CLMN: variants seen among roughly 807,000 people sequenced by gnomAD.
The protein encoded by CLMN is calmin, also known as calmin (calponin-like, transmembrane).
CLMN carries 57 observed loss-of-function variants against 92.7 expected under a neutral mutation model. The ratio of observed to expected loss-of-function variants is 0.61; its 90% CI spans 0.50 to 0.77. The LOEUF is 0.77. Ranked by LOEUF, CLMN falls within the 30% of genes least tolerant of loss-of-function variation. The pLI, the probability that CLMN is intolerant of heterozygous loss-of-function variation, is 0.00. For synonymous variants in CLMN, 466 were observed against 470.6 expected, an observed-to-expected ratio of 0.99 and a Z score of 0.13; for missense variants, 1,158 against 1,237.5, an observed-to-expected ratio of 0.94 and a Z score of 0.96.
intron 1 of CLMN, 86 bp downstream of exon 1, chr14:95,319,625 G>T: frequency 9.1e-7 from 1 of 1,099,350 alleles, no homozygotes; most frequent in South Asian, 1.4e-5. Flanking sequence ...GAGCGGGGGC[G>T]GCGCGGGGGA....
rs540566941 is a variant in CLMN, at chr14:95,211,649, T to TAA, written c.609-772_609-771dup. On this transcript the variant is annotated intron_variant, in intron 6 of 12. Transcript: ENST00000298912. ...CTCAACCGTGGTCAATAAACGCTCT[T>TAA]AAAAAAAAAAAAAAAAACCAAAAAC... Among the ~76,000 whole-genome samples, 776 of 130,108 alleles carry TAA rather than the reference T, an allele frequency of 6.0e-3. 4 individuals are homozygous for TAA. The highest frequency in any genetic ancestry group is 0.015 in the Middle Eastern group (4 of 262). The allele number at this position is 130,108 out of a possible 152,430, so 85.4% of individuals were successfully genotyped here.
Position 95,294,019 on chromosome 14 carries a change from A to AGAGGAG in CLMN, c.82+25686_82+25691dup, listed in dbSNP as rs113654953. On this transcript the variant is annotated intron_variant, in intron 1 of 12. Coordinates refer to ENST00000298912, the MANE Select transcript of CLMN (RefSeq NM_024734.4). This position sits in a 1 kb window ranked among gnomAD's most constrained non-coding sequence, Gnocchi z 4.2. ...CTGCCTGGCTGGAGGGTGACACCAA[A>AGAGGAG]GAGGAGGAGGAGGAGGAGGAGGCCA... Among the ~76,000 whole-genome samples the AGAGGAG allele has an allele frequency of 2.0e-5, 3 of 151,450 alleles. No individual in the cohort carries two copies. Among genetic ancestry groups the AGAGGAG allele is most frequent in the Admixed American group, 1.3e-4 (2 of 15,234 alleles).
At chr14:95,197,270 G>GAGGAGGAGGAAGAAGGAGA (rs1360120473) in intron 9 of CLMN, among the ~76,000 whole-genome samples, 2 of 150,648 alleles carry the variant, frequency 1.3e-5, no homozygotes, top group East Asian at 2.0e-4. Context: ...AAGAAGAAAA[G>GAGGAGGAGGAAGAAGGAGA]AGGAGGAGGA....
At chr14:95,220,164 G>C (rs1317216688) in intron 4 of CLMN, among the ~76,000 whole-genome samples, 1 of 133,020 alleles carries the variant, frequency 7.5e-6, no homozygotes, top group Admixed American at 7.6e-5. Context: ...TGTATGGATA[G>C]GTCCCTTTTT....
intron 1 of CLMN, among the ~76,000 whole-genome samples, chr14:95,274,263 G>A (rs866564211): frequency 6.6e-6 from 1 of 151,868 alleles, no homozygotes; most frequent in Non-Finnish European, 1.5e-5. Context: ...GGTTTCCATC[G>A]TTCTGCTTGG....
chr14:95,212,846 A>T (rs532423198), intron 6 of CLMN, among the ~76,000 whole-genome samples: 2 of 144,014 alleles, frequency 1.4e-5, no homozygotes, highest in African/African-American at 5.2e-5. Context: ...AATGCAGTGG[A>T]GTGAACTCGG....
intron 11 of CLMN, 60 bp from the exon 12 acceptor site, chr14:95,193,979 G>T: frequency 1.9e-6 from 3 of 1,593,830 alleles, no homozygotes; most frequent in Non-Finnish European, 1.7e-6. Flanking sequence ...TGAAATCTCT[G>T]AAACAGAAGA....
At chr14:95,285,841 C>G (rs1296738876) in intron 1 of CLMN, among the ~76,000 whole-genome samples, 1 of 152,152 alleles carries the variant, frequency 6.6e-6, no homozygotes. Flanking sequence ...CACTCATGTC[C>G]ACAGCAGGCA....
At position 95,196,587 on chromosome 14, in the gene CLMN, G is replaced by C. The variant is rs375781840; in HGVS notation, c.2619C>G (p.His873Gln). The C allele has an allele frequency of 6.2e-7, 1 of 1,614,076 alleles. No homozygotes were observed. The highest frequency in any genetic ancestry group is 1.6e-4 in the Middle Eastern group (1 of 6,084). ...KKKEKRKHVD[H>Q]VESSLFVAPG... The stretch of plus-strand genomic sequence containing the variant: ...GTGCTACAAATAGTGAACTTTCTAC[G>C]TGGTCCACATGTTTCCTTTTTTCCT... Residue 873 changes from histidine (H) to glutamine (Q), a missense_variant, in exon 10 of 13, where the codon CAC (histidine) becomes CAG (glutamine). Transcript: ENST00000298912.
chr14:95,292,428 T>TACCCCA (rs1900606390), intron 1 of CLMN, among the ~76,000 whole-genome samples: 1 of 74,058 alleles, frequency 1.4e-5, no homozygotes, highest in Non-Finnish European at 2.7e-5. Flanking sequence ...CCCCCAAGGG[T>TACCCCA]CCCCCACCCC....
chr14:95,279,983 T>G (rs981502295), intron 1 of CLMN, among the ~76,000 whole-genome samples: 6 of 152,106 alleles, frequency 3.9e-5, no homozygotes, highest in African/African-American at 1.4e-4. Flanking sequence ...TTTTTTTTTT[T>G]TGCCTAGTAT....
intron 1 of CLMN, among the ~76,000 whole-genome samples, chr14:95,282,138 A>G (rs1900165407): frequency 6.6e-6 from 1 of 152,250 alleles, no homozygotes; most frequent in South Asian, 2.1e-4. Context: ...GCTGGAGAAG[A>G]GAATGTCCAG....
chr14:95,251,947 C>G (rs1463657664), intron 1 of CLMN, among the ~76,000 whole-genome samples: 1 of 152,182 alleles, frequency 6.6e-6, no homozygotes, highest in East Asian at 1.9e-4. Flanking sequence ...GTTTTCTGCA[C>G]TCAGCCCCCA....
chr14:95,237,702 G>A (rs149244543), intron 1 of CLMN, among the ~76,000 whole-genome samples: 9 of 152,294 alleles, frequency 5.9e-5, no homozygotes, highest in African/African-American at 1.2e-4. Context: ...GAGGACAGCC[G>A]CAGCCCCATG....
chr14:95,245,897 C>CGGATGAATGGAT (rs1346764248), intron 1 of CLMN, among the ~76,000 whole-genome samples: 1 of 106,992 alleles, frequency 9.3e-6, no homozygotes, highest in Non-Finnish European at 2.0e-5. Context: ...GATGGACACA[C>CGGATGAATGGAT]GGATGAATGG....
chr14:95,191,723 G>A lies in CLMN; in HGVS notation c.2850C>T (p.Asn950=). Residue 950 remains asparagine, a synonymous_variant, in exon 13 of 13, where the codon AAC becomes AAT. Coordinates refer to ENST00000298912, the MANE Select transcript of CLMN (RefSeq NM_024734.4). The surrounding 1 kb of genome is among the most constrained non-coding windows in gnomAD (Gnocchi z 5.3). ...CCAGTGACATGGCTTCTCCTGAGCT[G>A]TTGGCCTTCCTACAGAAGAAACACA... ...RRNRILTRKA[N]SSGEAMSLGS... 2 of 1,605,048 alleles carry A rather than the reference G, an allele frequency of 1.2e-6. No homozygotes were observed. Among genetic ancestry groups the A allele is most frequent in the Non-Finnish European group, 8.5e-7 (1 of 1,177,308 alleles).
chr14:95,220,699 T>C (rs951877055), intron 4 of CLMN, among the ~76,000 whole-genome samples: 7 of 152,170 alleles, frequency 4.6e-5, no homozygotes, highest in African/African-American at 1.7e-4. Flanking sequence ...TGCTTTCCCA[T>C]CCTCCTTTGC....
intron 1 of CLMN, among the ~76,000 whole-genome samples, chr14:95,293,313 C>T (rs1900666416): frequency 1.0e-5 from 1 of 95,424 alleles, no homozygotes; most frequent in Non-Finnish European, 2.2e-5. Context: ...TCCCTCCTTC[C>T]CTCCCTCCCT....
At chr14:95,210,626 A>T (rs1897169234) in intron 7 of CLMN, 60 bp downstream of exon 7, 1 of 1,534,180 alleles carries the variant, frequency 6.5e-7, no homozygotes, top group Non-Finnish European at 8.8e-7. Flanking sequence ...TCCACATGGG[A>T]CAGCAAGTGG....
Sources: allele counts gnomAD v4.1 joint callset (sites outside exome capture counted in the v4.1 genomes callset), GRCh38; gene constraint gnomAD v4.1.1; non-coding constraint Gnocchi (gnomAD v3.1); transcripts MANE v1.5; gene names NCBI Gene and HGNC (gene_info 2026-07-23, HGNC 2026-07-21).